PRDM16: variants seen among roughly 807,000 people sequenced by gnomAD.
The protein encoded by PRDM16 is histone-lysine N-methyltransferase PRDM16.
In PRDM16, 23 loss-of-function variants were observed where a neutral mutation model predicts 110.6. The observed-to-expected ratio is 0.21, with a 90% CI of 0.15 to 0.29. The LOEUF (loss-of-function observed/expected upper bound fraction) is 0.29. Ranked by LOEUF, PRDM16 falls within the 10% of genes least tolerant of loss-of-function variation. PRDM16 has a pLI of 1.00. For synonymous variants in PRDM16, 799 were observed against 781.8 expected, an observed-to-expected ratio of 1.02 and a Z score of -0.37; for missense variants, 1,615 against 1,794.3, an observed-to-expected ratio of 0.90 and a Z score of 1.81.
intron 2 of PRDM16, among the ~76,000 whole-genome samples, chr1:3,205,210 C>T (rs1476019076): frequency 1.3e-5 from 2 of 152,042 alleles, no homozygotes; most frequent in Admixed American, 6.6e-5. Context: ...AATAATCCCC[C>T]GACGGGCAGC....
intron 2 of PRDM16, among the ~76,000 whole-genome samples, chr1:3,214,052 C>T (rs1450933805): frequency 3.3e-5 from 5 of 152,156 alleles, no homozygotes; most frequent in African/African-American, 9.7e-5. Context: ...ACCACAGCCC[C>T]GCCCCTTGTC....
At chr1:3,163,430 G>A (rs76042083) in intron 1 of PRDM16, among the ~76,000 whole-genome samples, 2,226 of 152,264 alleles carry the variant, frequency 0.015, 204 homozygotes, top group East Asian at 0.11. Context: ...GTGCACAGCC[G>A]GAGGCCTGAG....
chr1:3,114,150 C>T, intron 1 of PRDM16, among the ~76,000 whole-genome samples: 1 of 147,980 alleles, frequency 6.8e-6, no homozygotes, highest in East Asian at 2.0e-4. Context: ...ACACTGCACA[C>T]ACGCACACAC....
In PRDM16 at chr1:3,080,274, G is replaced by T. The variant is rs979759082; in HGVS notation, c.37+10978G>T. Among the ~76,000 whole-genome samples, 4 of 152,208 alleles carry T rather than the reference G, an allele frequency of 2.6e-5. No homozygotes were observed. Among genetic ancestry groups the T allele is most frequent in the African/African-American group, 9.7e-5 (4 of 41,448 alleles). ...ATTAAATTGCAATAACACGCCGTGC[G>T]AGTGCCTCTCTGAATGGGGTATTCA... On this transcript the variant is annotated intron_variant, in intron 1 of 16. Transcript: ENST00000270722. The surrounding 1 kb of genome is among the most constrained non-coding windows in gnomAD (Gnocchi z 5.2).
chr1:3,298,239 G>A (rs1044799498), intron 3 of PRDM16, among the ~76,000 whole-genome samples: 3 of 152,182 alleles, frequency 2.0e-5, no homozygotes, highest in South Asian at 2.1e-4. Context: ...ACTTTCCTCC[G>A]CAAATGCACC....
chr1:3,087,632 C>T (rs533602000), intron 1 of PRDM16, among the ~76,000 whole-genome samples: 4 of 152,270 alleles, frequency 2.6e-5, no homozygotes, highest in Admixed American at 2.6e-4. Context: ...AAATGCCCAA[C>T]GCACCCTGTT....
Position 3,412,626 on chromosome 1 carries a change from G to T in PRDM16, c.2429G>T (p.Arg810Leu). The change falls in exon 9 of 17, where the codon CGG becomes CTG. Residue 810 changes from arginine to leucine, a missense_variant. By Grantham distance (102) the Arg-to-Leu change is moderately radical. This residue lies in a region of PRDM16 where 772 missense variants were observed against 748.3 expected (regional missense o/e 1.03). Transcript: ENST00000270722. ...CCGCTGGACCTGAGCATCGGCAGCC[G>T]GGCCCGTGCCAGCCAAAACGGCGGC... is the stretch of plus-strand genomic sequence containing the variant. ...EQPLDLSIGS[R>L]ARASQNGGGR... The T allele has an allele frequency of 6.3e-7, 1 of 1,583,076 alleles. No homozygotes were observed. Among genetic ancestry groups the T allele is most frequent in the Non-Finnish European group, 8.6e-7 (1 of 1,163,478 alleles).
At position 3,425,497 on chromosome 1, in the gene PRDM16, G is replaced by A. The variant is rs117270255; in HGVS notation, c.2940-84G>A. On this transcript the variant is annotated intron_variant, in intron 12 of 16. Transcript: ENST00000270722. The surrounding 1 kb of genome is among the most constrained non-coding windows in gnomAD (Gnocchi z 6.9). The stretch of plus-strand genomic sequence containing the variant: ...TGCACGGGGCACGGGGCAGGGGCGC[G>A]GGCTCCCTTCCCCCCACCCTCTGTG... 5,717 of 1,450,034 alleles carry A rather than the reference G, an allele frequency of 3.9e-3. 204 individuals are homozygous for A. In the East Asian group the frequency reaches 0.089, roughly 22 times the overall value. The allele number at this position is 1,450,034 out of a possible 1,614,324, so 89.8% of individuals were successfully genotyped here.
At chr1:3,170,174 G>C (rs867555993) in intron 1 of PRDM16, among the ~76,000 whole-genome samples, 2 of 152,250 alleles carry the variant, frequency 1.3e-5, no homozygotes, top group Non-Finnish European at 2.9e-5. Flanking sequence ...AACTATGAAC[G>C]TCTTCATCAG....
At chr1:3,295,751 G>A (rs1047578927) in intron 3 of PRDM16, among the ~76,000 whole-genome samples, 3 of 152,120 alleles carry the variant, frequency 2.0e-5, no homozygotes, top group Non-Finnish European at 4.4e-5. Flanking sequence ...TTTTTCTTCC[G>A]AATTCTTCCA....
intron 3 of PRDM16, among the ~76,000 whole-genome samples, chr1:3,321,325 C>T (rs1041156422): frequency 1.3e-4 from 19 of 150,548 alleles, no homozygotes; most frequent in Admixed American, 1.2e-3. Context: ...TGTGTGGGTC[C>T]GTGTGTGTGT....
At chr1:3,400,900 A>ATACT (rs1643457364) in intron 5 of PRDM16, among the ~76,000 whole-genome samples, 1 of 152,106 alleles carries the variant, frequency 6.6e-6, no homozygotes, top group Non-Finnish European at 1.5e-5. Flanking sequence ...TGTCAGCCAG[A>ATACT]TACTTACCTC....
chr1:3,327,915 T>C (rs559770087), intron 3 of PRDM16, among the ~76,000 whole-genome samples: 1 of 152,334 alleles, frequency 6.6e-6, no homozygotes, highest in East Asian at 1.9e-4. Flanking sequence ...GCCCAGAGTG[T>C]GTGACCTCAC....
Position 3,302,240 on chromosome 1 carries a change from G to A in PRDM16, c.438+58103G>A, listed in dbSNP as rs1479870527. 3.3e-5 allele frequency among the ~76,000 whole-genome samples: 5 copies of A among 152,132 alleles called. No individual in the cohort carries two copies. In the South Asian group the frequency reaches 1.0e-3, roughly 32 times the overall value. On this transcript the variant is annotated intron_variant, in intron 3 of 16. Transcript: ENST00000270722. ...ACAGGCGTCTCCGAGATTTCCCGGG[G>A]TTGGTTCCAGATCATCACAATGAAG...
At chr1:3,146,464 G>C (rs1022670056) in intron 1 of PRDM16, among the ~76,000 whole-genome samples, 4 of 151,774 alleles carry the variant, frequency 2.6e-5, no homozygotes, top group Non-Finnish European at 5.9e-5. Flanking sequence ...TCAGTGTGGG[G>C]TGTGCGCACA....
intron 1 of PRDM16, among the ~76,000 whole-genome samples, chr1:3,088,231 T>G (rs1158693571): frequency 2.6e-5 from 4 of 152,120 alleles, no homozygotes; most frequent in African/African-American, 9.7e-5. Flanking sequence ...GAGTTGCAGT[T>G]GCATTCAATC....
At chr1:3,095,797 C>T (rs183576718) in intron 1 of PRDM16, among the ~76,000 whole-genome samples, 62 of 152,126 alleles carry the variant, frequency 4.1e-4, no homozygotes, top group African/African-American at 1.4e-3. Context: ...GGTCCATCTG[C>T]CCCTTGGAAT....
At chr1:3,416,478 G>T (rs2100673449) in intron 10 of PRDM16, among the ~76,000 whole-genome samples, 1 of 152,284 alleles carries the variant, frequency 6.6e-6, no homozygotes, top group East Asian at 1.9e-4. Flanking sequence ...GCCCCTTGAT[G>T]ACGCAGGTCC....
chr1:3,283,034 C>A (rs1462722366), intron 3 of PRDM16, among the ~76,000 whole-genome samples: 4 of 152,210 alleles, frequency 2.6e-5, no homozygotes, highest in South Asian at 4.1e-4. Flanking sequence ...GTGAGACAGG[C>A]GAGGCTGTGA....
Sources: gnomAD v4.1 joint callset for allele counts (sites outside exome capture counted in the v4.1 genomes callset) on GRCh38, gnomAD v4.1.1 for gene constraint, gnomAD v4.1.1 regional missense constraint, Gnocchi (gnomAD v3.1) non-coding constraint, MANE v1.5 for transcripts, NCBI Gene and HGNC (gene_info 2026-07-23, HGNC 2026-07-21) for gene names.